CBFB: variants seen among roughly 807,000 people sequenced by gnomAD.
CBFB encodes core-binding factor subunit beta, also known as CBF-beta.
Under a neutral mutation model 30.4 loss-of-function variants are expected in CBFB, and 9 were observed. The observed-to-expected ratio is 0.30, with a 90% CI of 0.18 to 0.52. CBFB has a LOEUF of 0.52. Among genes scored for constraint, CBFB ranks in the 20% least tolerant of loss-of-function variants. The pLI is 0.97. For synonymous variants in CBFB, 94 were observed against 84.0 expected, an observed-to-expected ratio of 1.12 and a Z score of -0.65; for missense variants, 170 against 244.0, an observed-to-expected ratio of 0.70 and a Z score of 2.02.
chr16:67,079,884 C>G (rs753780402), intron 4 of CBFB, among the ~76,000 whole-genome samples: 1 of 152,144 alleles, frequency 6.6e-6, no homozygotes, highest in African/African-American at 2.4e-5. Flanking sequence ...CAGTGGCTTA[C>G]GCCTATAAGC....
intron 3 of CBFB, among the ~76,000 whole-genome samples, chr16:67,057,021 C>G (rs910564009): frequency 6.6e-6 from 1 of 150,498 alleles, no homozygotes; most frequent in African/African-American, 2.5e-5. Flanking sequence ...CTCACTCTTT[C>G]GCCCAGGCTG....
At chr16:67,060,953 A>G (rs1960895470) in intron 3 of CBFB, among the ~76,000 whole-genome samples, 1 of 152,172 alleles carries the variant, frequency 6.6e-6, no homozygotes, top group South Asian at 2.1e-4. Context: ...GTGTATAAAC[A>G]TTTCATTCCT....
chr16:67,088,646 A>G (rs1020037919), intron 5 of CBFB, among the ~76,000 whole-genome samples: 8 of 152,228 alleles, frequency 5.3e-5, no homozygotes, highest in Non-Finnish European at 1.2e-4. Flanking sequence ...CAGAAAAGAA[A>G]AATAATGGTT....
At chr16:67,093,637 G>T (rs1961963452) in intron 5 of CBFB, 4 of 152,138 alleles carry the variant, frequency 2.6e-5, no homozygotes, top group Admixed American at 2.6e-4. Context: ...GAGGTCTGTA[G>T]CACAAGGTTG....
chr16:67,049,369 G>C (rs1567609068), intron 3 of CBFB, among the ~76,000 whole-genome samples: 1 of 151,528 alleles, frequency 6.6e-6, no homozygotes, highest in African/African-American at 2.4e-5. Context: ...ACACCCGGCT[G>C]ATTTTTGTAC....
rs1962144028 is a variant in CBFB, at chr16:67,099,118, C to G, written c.*340C>G. 3.7e-6 allele frequency: 1 copy of G among 270,784 alleles called. No homozygotes were observed. Among genetic ancestry groups the G allele is most frequent in the Non-Finnish European group, 6.9e-6 (1 of 144,192 alleles). The allele number at this position is 270,784 out of a possible 1,614,324, so 16.8% of individuals were successfully genotyped here. On this transcript the variant is annotated 3_prime_UTR_variant, in exon 6 of 6. Transcript: ENST00000412916. ...AAGTTCATGTCATTTAAAAACAAGT[C>G]AAGAAATTAAAATTGTATCAGAGGG...
intron 3 of CBFB, among the ~76,000 whole-genome samples, chr16:67,038,824 T>C (rs1362077011): frequency 2.0e-5 from 3 of 152,186 alleles, no homozygotes; most frequent in Admixed American, 1.3e-4. Context: ...AAAACTATTT[T>C]AAGACTTCAA....
At chr16:67,056,090 G>T (rs1960715598) in intron 3 of CBFB, among the ~76,000 whole-genome samples, 1 of 152,228 alleles carries the variant, frequency 6.6e-6, no homozygotes, top group African/African-American at 2.4e-5. Flanking sequence ...CCTTTGGAAA[G>T]AAATTACTGT....
At chr16:67,030,440 C>T (rs1348275629) in intron 2 of CBFB, among the ~76,000 whole-genome samples, 1 of 151,790 alleles carries the variant, frequency 6.6e-6, no homozygotes, top group Non-Finnish European at 1.5e-5. Flanking sequence ...CACGGTTGAT[C>T]TCGAGGTCCT....
intron 3 of CBFB, among the ~76,000 whole-genome samples, chr16:67,060,538 G>C (rs926323059): frequency 6.6e-6 from 1 of 150,554 alleles, no homozygotes; most frequent in Non-Finnish European, 1.5e-5. Flanking sequence ...TACGTTTCTG[G>C]GGGGTTTTTT....
chr16:67,062,173 A>T (rs1006983290), intron 3 of CBFB, among the ~76,000 whole-genome samples: 5 of 146,968 alleles, frequency 3.4e-5, no homozygotes, highest in Non-Finnish European at 6.0e-5. Context: ...TTATAAGGAA[A>T]TTTTTTTTTT....
rs765268577 is a variant in CBFB, at chr16:67,098,711, C to T, written c.497C>T (p.Ala166Val). The change falls in exon 6 of 6, where the codon GCA becomes GTA. Residue 166 changes from alanine (A) to valine (V), a missense_variant and splice_region_variant. By Grantham distance (64) the Ala-to-Val change is moderately conservative (BLOSUM62 0). Transcript: ENST00000412916. ...RDRSHREEMEARRQQDPSPGS... is the reference protein window; with the variant it reads ...RDRSHREEMEVRRQQDPSPGS... ...CAAATTATGATTTTGTCATTGCAGG[C>T]AAGAAGACAACAAGACCCTAGTCCT... The T allele has an allele frequency of 4.4e-6, 7 of 1,601,180 alleles. No homozygotes were observed. The South Asian group carries it at 6.6e-5, about 15-fold the overall frequency.
chr16:67,049,868 TAGA>T (rs1283299123), intron 3 of CBFB, among the ~76,000 whole-genome samples: 11 of 152,136 alleles, frequency 7.2e-5, no homozygotes, highest in Admixed American at 7.2e-4. Flanking sequence ...CTGCACTGTA[TAGA>T]AGAACTGTTT....
At chr16:67,093,130 T>C (rs563911470) in intron 5 of CBFB, among the ~76,000 whole-genome samples, 26 of 152,148 alleles carry the variant, frequency 1.7e-4, no homozygotes, top group Non-Finnish European at 3.4e-4. Flanking sequence ...AAATTTTTTG[T>C]AGGGGCAGGA....
At chr16:67,029,878 G>C in intron 2 of CBFB, 65 bp downstream of exon 2, 2 of 1,098,262 alleles carry the variant, frequency 1.8e-6, no homozygotes, top group African/African-American at 1.7e-5. Flanking sequence ...GGCCCAGGCC[G>C]GTTCCGGACG....
At chr16:67,082,417 T>G in intron 5 of CBFB, 109 bp downstream of exon 5, 1 of 1,368,022 alleles carries the variant, frequency 7.3e-7, no homozygotes. Flanking sequence ...TAATTTTGTC[T>G]TTCATTTTTA....
intron 4 of CBFB, among the ~76,000 whole-genome samples, chr16:67,070,755 G>A (rs1197714829): frequency 6.6e-6 from 1 of 151,980 alleles, no homozygotes; most frequent in Non-Finnish European, 1.5e-5. Flanking sequence ...GGAAGCTGAG[G>A]TGGGATGATT....
intron 3 of CBFB, among the ~76,000 whole-genome samples, chr16:67,048,488 A>G (rs1316863981): frequency 6.6e-6 from 1 of 152,190 alleles, no homozygotes; most frequent in African/African-American, 2.4e-5. Flanking sequence ...AAGATATTAC[A>G]TGAAGTTAAA....
intron 3 of CBFB, among the ~76,000 whole-genome samples, chr16:67,054,332 T>G (rs1396081401): frequency 3.3e-5 from 5 of 152,118 alleles, no homozygotes; most frequent in Admixed American, 6.5e-5. Flanking sequence ...TTGGTTTAAA[T>G]GTTGCAGTTG....
Sources: gnomAD v4.1 joint callset for allele counts (sites outside exome capture counted in the v4.1 genomes callset) on GRCh38, gnomAD v4.1.1 for gene constraint, MANE v1.5 for transcripts, NCBI Gene and HGNC (gene_info 2026-07-23, HGNC 2026-07-21) for gene names.